ASCC3: variants seen among roughly 807,000 people sequenced by gnomAD.
ASCC3 encodes the protein ASC-1 complex subunit P200.
A neutral mutation model predicts 256.3 loss-of-function variants in ASCC3; 158 were observed. The ratio of observed to expected loss-of-function variants is 0.62; its 90% CI spans 0.54 to 0.70. The LOEUF (loss-of-function observed/expected upper bound fraction) is 0.70. Among genes scored for constraint, ASCC3 ranks in the 30% least tolerant of loss-of-function variants. ASCC3 has a pLI of 0.00. For missense variants in ASCC3, 2,259 were observed against 2,626.0 expected (o/e 0.86, Z 3.05); for synonymous variants, 948 against 883.4 (o/e 1.07, Z -1.30).
At chr6:100,857,656 C>T (rs1773016018) in intron 3 of ASCC3, 1 of 151,974 alleles carries the variant, frequency 6.6e-6, no homozygotes, top group African/African-American at 2.4e-5. Flanking sequence ...AAGTATATTT[C>T]TATCCGTAGG....
At chr6:100,525,645 G>A (rs1582388482) in intron 37 of ASCC3, among the ~76,000 whole-genome samples, 1 of 152,156 alleles carries the variant, frequency 6.6e-6, no homozygotes, top group East Asian at 1.9e-4. Flanking sequence ...TTGTGAATAA[G>A]TATAGACTTT....
intron 30 of ASCC3, among the ~76,000 whole-genome samples, chr6:100,608,101 T>TATATATGTGTATATATATATATAC (rs1773032693): frequency 7.8e-6 from 1 of 128,024 alleles, no homozygotes; most frequent in African/African-American, 3.0e-5. Context: ...TATATACACA[T>TATATATGTGTATATATATATATAC]ATATATGTAT....
chr6:100,701,104 G>A (rs932896788), intron 13 of ASCC3, among the ~76,000 whole-genome samples: 1 of 152,098 alleles, frequency 6.6e-6, no homozygotes, highest in African/African-American at 2.4e-5. Flanking sequence ...CCGGTTGGAG[G>A]TACTTGCCAA....
intron 1 of ASCC3, among the ~76,000 whole-genome samples, chr6:100,875,487 T>A (rs1437564965): frequency 2.0e-5 from 3 of 152,206 alleles, no homozygotes; most frequent in Non-Finnish European, 4.4e-5. Flanking sequence ...ATGAACATAA[T>A]ATTGTCTAAG....
At chr6:100,584,742 T>C (rs1221635862) in intron 36 of ASCC3, among the ~76,000 whole-genome samples, 1 of 152,176 alleles carries the variant, frequency 6.6e-6, no homozygotes, top group Non-Finnish European at 1.5e-5. Context: ...TTTCCATATT[T>C]AGTGCTTCCT....
chr6:100,557,889 G>A (rs1769694734), intron 36 of ASCC3, among the ~76,000 whole-genome samples: 1 of 149,470 alleles, frequency 6.7e-6, no homozygotes, highest in Admixed American at 6.6e-5. Flanking sequence ...ATGCTTGAGG[G>A]GATCACCCCC....
rs890920694 is a variant in ASCC3, at chr6:100,677,285, T to C, written c.2286+2333A>G. On this transcript the variant is annotated intron_variant, in intron 14 of 41. Transcript: ENST00000369162. ...GGTTTCACTCTTTAAAATCTCTCTT[T>C]AGGAGAAGTGAGGGATATAGTTAGG... Among the ~76,000 whole-genome samples the C allele has an allele frequency of 2.0e-5, 3 of 151,798 alleles. No homozygotes were observed. In the South Asian group the frequency reaches 6.3e-4, roughly 32 times the overall value.
chr6:100,753,571 G>A (rs191136655), intron 10 of ASCC3, among the ~76,000 whole-genome samples: 272 of 151,406 alleles, frequency 1.8e-3, no homozygotes, highest in African/African-American at 6.3e-3. Flanking sequence ...GCTAATCACA[G>A]ATACAATTAT....
At chr6:100,861,262 G>T (rs1055489828) in intron 3 of ASCC3, among the ~76,000 whole-genome samples, 1 of 151,970 alleles carries the variant, frequency 6.6e-6, no homozygotes, top group Non-Finnish European at 1.5e-5. Flanking sequence ...ACTTTAATGG[G>T]CCCTGTTTCT....
intron 33 of ASCC3, among the ~76,000 whole-genome samples, chr6:100,602,942 T>G (rs79409560): frequency 6.6e-6 from 1 of 152,092 alleles, no homozygotes. Flanking sequence ...AAAAAGTTGC[T>G]ATGTTACTCT....
At chr6:100,805,172 T>C (rs1025132143) in intron 5 of ASCC3, among the ~76,000 whole-genome samples, 1 of 152,126 alleles carries the variant, frequency 6.6e-6, no homozygotes, top group African/African-American at 2.4e-5. Flanking sequence ...AAAGAACCAT[T>C]AGAATGTTTT....
chr6:100,509,209 G>T lies in ASCC3; in HGVS notation c.*177C>A, dbSNP rs1773635051. On this transcript the variant is annotated 3_prime_UTR_variant, in exon 42 of 42. Transcript: ENST00000369162. ...TATAAAAGGCAACATTTGTTAAAAG[G>T]CCACTGTGGTTAACTTTATGTCACT... 1.4e-6 allele frequency: 1 copy of T among 740,234 alleles called. No homozygotes were observed. The highest frequency in any genetic ancestry group is 2.3e-6 in the Non-Finnish European group (1 of 436,562). 45.9% of individuals were successfully genotyped at this position (740,234 alleles called of 1,614,324 possible).
intron 10 of ASCC3, among the ~76,000 whole-genome samples, chr6:100,755,507 C>T (rs1781137498): frequency 6.6e-6 from 1 of 151,930 alleles, no homozygotes. Flanking sequence ...GCTGCACCCC[C>T]AGCTAATTTT....
intron 5 of ASCC3, 92 bp from the exon 6 acceptor site, chr6:100,800,596 T>G: frequency 1.0e-6 from 1 of 954,656 alleles, no homozygotes; most frequent in Non-Finnish European, 1.6e-6. Flanking sequence ...CCCCACAACA[T>G]ATAATGCTCT....
chr6:100,744,789 T>C (rs1290287474), intron 10 of ASCC3, among the ~76,000 whole-genome samples: 1 of 152,162 alleles, frequency 6.6e-6, no homozygotes, highest in African/African-American at 2.4e-5. Context: ...TATAAAATAT[T>C]CATATGATGC....
intron 4 of ASCC3, among the ~76,000 whole-genome samples, chr6:100,821,620 T>C (rs1242907877): frequency 6.6e-6 from 1 of 152,036 alleles, no homozygotes; most frequent in Admixed American, 6.5e-5. Context: ...GGTCAGGAGT[T>C]CGAGGCCAGC....
chr6:100,629,665 T>C (rs184098213), intron 26 of ASCC3, among the ~76,000 whole-genome samples: 3 of 152,158 alleles, frequency 2.0e-5, no homozygotes, highest in African/African-American at 4.8e-5. Flanking sequence ...TTTCTTTCCT[T>C]AGATTGGAAT....
At chr6:100,808,781 A>C (rs1770313994) in intron 4 of ASCC3, among the ~76,000 whole-genome samples, 1 of 151,916 alleles carries the variant, frequency 6.6e-6, no homozygotes, top group South Asian at 2.1e-4. Context: ...TTTTGTGGGA[A>C]CATCATAGAG....
intron 10 of ASCC3, among the ~76,000 whole-genome samples, chr6:100,736,288 A>G (rs1169207493): frequency 6.6e-6 from 1 of 152,158 alleles, no homozygotes; most frequent in Non-Finnish European, 1.5e-5. Context: ...GCAGATCACG[A>G]GGTCAGGAGA....
Sources: allele counts gnomAD v4.1 joint callset (sites outside exome capture counted in the v4.1 genomes callset), GRCh38; gene constraint gnomAD v4.1.1; transcripts MANE v1.5; gene names NCBI Gene and HGNC (gene_info 2026-07-23, HGNC 2026-07-21).